Variants in HDGFL2 observed in about 807,000 individuals in gnomAD.
The protein encoded by HDGFL2 is hepatoma-derived growth factor-related protein 2.
A neutral mutation model predicts 77.1 loss-of-function variants in HDGFL2; 36 were observed. The ratio of observed to expected loss-of-function variants is 0.47; its 90% CI spans 0.36 to 0.62. The LOEUF is 0.62. HDGFL2 is among the 20% of genes least tolerant of loss of function. HDGFL2 has a pLI of 0.00. For missense variants in HDGFL2, 976 were observed against 973.4 expected, an observed-to-expected ratio of 1.00 and a Z score of -0.04; for synonymous variants, 463 against 413.1, an observed-to-expected ratio of 1.12 and a Z score of -1.46.
chr19:4,484,080 C>T (rs981925334), intron 3 of HDGFL2, among the ~76,000 whole-genome samples: 1 of 148,918 alleles, frequency 6.7e-6, no homozygotes, highest in Non-Finnish European at 1.5e-5. Flanking sequence ...TGAGCCACTG[C>T]ACCCGGCCTT....
chr19:4,500,341 C>T (rs1975828239), intron 14 of HDGFL2, among the ~76,000 whole-genome samples: 1 of 152,078 alleles, frequency 6.6e-6, no homozygotes, highest in Non-Finnish European at 1.5e-5. Flanking sequence ...GGCTGGAGTG[C>T]AGTGGTACAA....
rs1006802644 is a variant in HDGFL2 at position 4,497,903 on chromosome 19, C to T, written c.1329-55C>T. On this transcript the variant is annotated intron_variant, in intron 10 of 15. Coordinates refer to ENST00000616600, the MANE Select transcript of HDGFL2 (RefSeq NM_001001520.3). The stretch of plus-strand genomic sequence containing the variant: ...GGTCCACCCCTTCAGGCGCCAGCCC[C>T]TCAGTGGCAGAGTGCCGGTGACGGG... 4.7e-6 allele frequency: 7 copies of T among 1,480,198 alleles called. No individual in the cohort carries two copies. In the East Asian group the frequency reaches 9.9e-5, roughly 21 times the overall value. The allele number at this position is 1,480,198 out of a possible 1,614,324, so 91.7% of individuals were successfully genotyped here.
intron 12 of HDGFL2, 27 bp from the exon 13 acceptor site, chr19:4,498,787 C>G: frequency 1.3e-6 from 2 of 1,534,098 alleles, no homozygotes. Flanking sequence ...GCCAGGCCGT[C>G]TCCCTCACTC....
At chr19:4,484,715 A>G (rs1268449307) in intron 3 of HDGFL2, among the ~76,000 whole-genome samples, 4 of 114,718 alleles carry the variant, frequency 3.5e-5, no homozygotes, top group Admixed American at 1.3e-4. Flanking sequence ...TCTGTCATCC[A>G]GGCTGGAGTG....
Position 4,496,382 on chromosome 19 carries a change from G to A in HDGFL2, c.1305G>A (p.Arg435=). The change falls in exon 10 of 16, where the codon CGG becomes CGA. Residue 435 remains arginine (R), a synonymous_variant. Transcript: ENST00000616600. ...CTGGCCAGAAGGAGAAGAGAGTGCG[G>A]CCCGAGGAGAAGCAACAAGCCAAGT... is the stretch of plus-strand genomic sequence containing the variant. ...RKPGQKEKRV[R]PEEKQQAKPV... 5.0e-6 allele frequency: 8 copies of A among 1,613,934 alleles called. No homozygotes were observed. Among genetic ancestry groups the A allele is most frequent in the South Asian group, 1.1e-5 (1 of 91,064 alleles).
intron 6 of HDGFL2, among the ~76,000 whole-genome samples, chr19:4,492,911 CTGTGTGGTGTGTATCTGTG>C (rs1177306246): frequency 1.2e-5 from 1 of 85,418 alleles, no homozygotes; most frequent in East Asian, 3.2e-4. Flanking sequence ...TGTGTGGTGT[CTGTGTGGTGTGTATCTGTG>C]TGTGTGGTGT....
At chr19:4,492,297 T>C (rs1277091538) in intron 6 of HDGFL2, among the ~76,000 whole-genome samples, 2 of 151,676 alleles carry the variant, frequency 1.3e-5, no homozygotes, top group East Asian at 3.9e-4. Flanking sequence ...TGTGTGTAGA[T>C]TGTGCATGTG....
In HDGFL2 at chr19:4,499,659, G is replaced by T. The variant is rs372794408; in HGVS notation, c.1744G>T (p.Gly582Trp). The change falls in exon 14 of 16, where the codon GGG (glycine) becomes TGG (tryptophan). Residue 582 changes from glycine to tryptophan, a missense_variant. Gly to Trp is a radical substitution (Grantham distance 184, BLOSUM62 -2). This residue lies in a region of HDGFL2 where 229 missense variants were observed against 187.3 expected (regional missense o/e 1.22). Coordinates refer to ENST00000616600, the MANE Select transcript of HDGFL2 (RefSeq NM_001001520.3). The stretch of plus-strand genomic sequence containing the variant: ...GAAGCTGGCCGGGGAGGAGCTGGCC[G>T]GGGAGGAGGCCCCCCAGGAGAAGGC... ...EEKLAGEELA[G>W]EEAPQEKAED... 3 of 1,577,692 alleles carry T rather than the reference G, an allele frequency of 1.9e-6. No individual in the cohort carries two copies. The highest frequency in any genetic ancestry group is 4.6e-5 in the East Asian group (2 of 43,330).
At chr19:4,493,455 C>T (rs1228390298) in intron 6 of HDGFL2, among the ~76,000 whole-genome samples, 1 of 152,066 alleles carries the variant, frequency 6.6e-6, no homozygotes, top group South Asian at 2.1e-4. Flanking sequence ...TCTGATGTAC[C>T]CGGTTCACTG....
At chr19:4,498,115 C>A in intron 11 of HDGFL2, 84 bp downstream of exon 11, 1 of 1,332,740 alleles carries the variant, frequency 7.5e-7, no homozygotes. Flanking sequence ...CCTGTCCCGC[C>A]TGTCCCTAGA....
chr19:4,494,659 C>T (rs73920815), intron 9 of HDGFL2, among the ~76,000 whole-genome samples, 184 bp downstream of exon 9: 3,717 of 152,262 alleles, frequency 0.024, 160 homozygotes, highest in African/African-American at 0.086. Context: ...GTGGCTCACG[C>T]CTGTTATCCC....
At position 4,488,729 on chromosome 19, in the gene HDGFL2, T is replaced by C. The variant is rs1213840319; in HGVS notation, c.342T>C (p.Ser114=). 7 of 1,553,758 alleles carry C rather than the reference T, an allele frequency of 4.5e-6. No homozygotes were observed. Among genetic ancestry groups the C allele is most frequent in the Non-Finnish European group, 5.2e-6 (6 of 1,148,942 alleles). Residue 114 remains serine, a synonymous_variant, in exon 4 of 16, where the codon AGT becomes AGC. Coordinates refer to ENST00000616600, the MANE Select transcript of HDGFL2 (RefSeq NM_001001520.3). The part of the protein sequence containing the change: ...EAPEANPADG[S]DADEDDEDRG... ...CCGAGGCCAACCCCGCCGACGGCAG[T>C]GACGCTGACGAGGACGATGAGGACC...
At position 4,485,885 on chromosome 19, in the gene HDGFL2, A is replaced by AAAAAAAAAAAAT. The variant is rs974820371; in HGVS notation, c.289-2783_289-2782insAAATAAAAAAAA. On this transcript the variant is annotated intron_variant, in intron 3 of 15. Transcript: ENST00000616600. ...AACATGGTGAAACCCCATGTCTACAAAAAAAAAATACAAAAACGTTAGCCA... is the reference window on the plus strand; with the variant it reads ...AACATGGTGAAACCCCATGTCTACAAAAAAAAAAAAATAAAAAAAATACAAAAACGTTAGCCA... 2.0e-5 allele frequency among the ~76,000 whole-genome samples: 3 copies of AAAAAAAAAAAAT among 148,752 alleles called. 1 individual carries two copies. Among genetic ancestry groups the AAAAAAAAAAAAT allele is most frequent in the African/African-American group, 7.4e-5 (3 of 40,504 alleles).
chr19:4,497,909 G>T (rs1455463175), intron 10 of HDGFL2, 49 bp from the exon 11 acceptor site: 1 of 1,495,836 alleles, frequency 6.7e-7, no homozygotes, highest in Admixed American at 2.0e-5. Flanking sequence ...GCCCCTCAGT[G>T]GCAGAGTGCC....
chr19:4,492,643 G>A (rs953977601), intron 6 of HDGFL2, among the ~76,000 whole-genome samples: 1 of 151,184 alleles, frequency 6.6e-6, no homozygotes, highest in African/African-American at 2.4e-5. Flanking sequence ...TTGTTTGTGT[G>A]TGTTGTCTGT....
At chr19:4,493,004 G>A (rs540155112) in intron 6 of HDGFL2, among the ~76,000 whole-genome samples, 6,506 of 135,740 alleles carry the variant, frequency 0.048, 182 homozygotes, top group Non-Finnish European at 0.063. Context: ...GTGTGTGGTT[G>A]TGTGTGGTGC....
intron 1 of HDGFL2, 124 bp downstream of exon 1, chr19:4,472,546 C>G: frequency 4.7e-6 from 2 of 428,458 alleles, no homozygotes; most frequent in Non-Finnish European, 3.4e-6. Flanking sequence ...CCCCGGGGGT[C>G]TGGGGTTCAT....
intron 3 of HDGFL2, among the ~76,000 whole-genome samples, chr19:4,482,511 A>T (rs946699751): frequency 5.3e-5 from 8 of 151,850 alleles, no homozygotes; most frequent in Non-Finnish European, 1.2e-4. Context: ...CCCAGCCATT[A>T]TTTTTTTCAT....
Position 4,501,992 on chromosome 19 carries a change from CCTGGACGAGGAGAG to C in HDGFL2, c.2002_2015del (p.Asp668SerfsTer?), listed in dbSNP as rs1975913268. 1 of 1,516,384 alleles carries C rather than the reference CCTGGACGAGGAGAG, an allele frequency of 6.6e-7. No individual in the cohort carries two copies. Among genetic ancestry groups the C allele is most frequent in the Non-Finnish European group, 8.8e-7 (1 of 1,139,250 alleles). 93.9% of individuals were successfully genotyped at this position (1,516,384 alleles called of 1,614,324 possible). On this transcript the variant is annotated frameshift_variant, in exon 16 of 16. Transcript: ENST00000616600. LOFTEE classifies it high-confidence loss of function. The stretch of plus-strand genomic sequence containing the variant: ...AGAGGGCACGGGGGGACTCGGAGGC[CCTGGACGAGGAGAG>C]CTGAGCCGCGGGCAGCCAGGCCCAG...
Sources: allele counts gnomAD v4.1 joint callset (sites outside exome capture counted in the v4.1 genomes callset), GRCh38; gene constraint gnomAD v4.1.1; regional missense constraint gnomAD v4.1.1; transcripts MANE v1.5; gene names NCBI Gene and HGNC (gene_info 2026-07-23, HGNC 2026-07-21).